C3orf52: variants seen among roughly 807,000 people sequenced by gnomAD.
The protein encoded by C3orf52 is TPA-induced transmembrane protein.
Under a neutral mutation model 24.8 loss-of-function variants are expected in C3orf52, and 22 were observed. That is an observed-to-expected ratio of 0.89 (90% CI 0.63 to 1.27). C3orf52 has a LOEUF of 1.27. Ranked by LOEUF, C3orf52 falls within the 50% of genes most tolerant of loss-of-function variation. The probability of loss-of-function intolerance (pLI) is 0.00; values close to 1 mark genes in which losing one functional copy is unlikely to be tolerated. For missense variants in C3orf52, 265 were observed against 260.7 expected (o/e 1.02, Z -0.11); for synonymous variants, 93 against 100.2 (o/e 0.93, Z 0.43).
chr3:112,128,295 A>G (rs1026831937), exon 5 of C3orf52: 16 of 667,894 alleles, frequency 2.4e-5, no homozygotes, highest in Non-Finnish European at 4.4e-5. Context: ...TTCCCAGCAA[A>G]GGAAAAATGT....
intron 5 of C3orf52, 45 bp downstream of exon 5, chr3:112,113,190 G>T (rs1046402069): frequency 6.7e-7 from 1 of 1,501,458 alleles, no homozygotes; most frequent in Non-Finnish European, 9.0e-7. Flanking sequence ...CAATAAACAG[G>T]TGAACCAGAT....
chr3:112,101,029 T>C (rs1424534663), intron 2 of C3orf52, among the ~76,000 whole-genome samples: 1 of 152,228 alleles, frequency 6.6e-6, no homozygotes, highest in Non-Finnish European at 1.5e-5. Flanking sequence ...TTTCCTGCAC[T>C]TTGCAAAATT....
In C3orf52 at chr3:112,086,459, C is replaced by T. The variant is rs1412425864; in HGVS notation, c.52C>T (p.Leu18Phe). ...AGTAGACGAGCTGGAGCTCTCGGTG[C>T]TCGAGCGGCAGCCAGAAGAGAACAC... ...QPVDELELSV[L>F]ERQPEENTPL... Residue 18 changes from leucine to phenylalanine, a missense_variant, in exon 1 of 6, where the codon CTC becomes TTC. Physicochemically the swap from Leu to Phe is conservative, Grantham distance 22. Coordinates refer to ENST00000264848, the MANE Select transcript of C3orf52 (RefSeq NM_024616.3). 1.4e-5 allele frequency: 22 copies of T among 1,551,452 alleles called. No individual in the cohort carries two copies. The highest frequency in any genetic ancestry group is 2.0e-5 in the Admixed American group (1 of 50,996).
intron 5 of C3orf52, among the ~76,000 whole-genome samples, chr3:112,114,692 G>A (rs1262816906): frequency 6.6e-6 from 1 of 151,986 alleles, no homozygotes; most frequent in Non-Finnish European, 1.5e-5. Context: ...TGACAAGAGT[G>A]AAACTCCATT....
At chr3:112,125,222 T>C in intron 4 of C3orf52, 3 of 1,559,422 alleles carry the variant, frequency 1.9e-6, no homozygotes, top group Non-Finnish European at 2.7e-6. Context: ...GATGTTCTTA[T>C]TACCTGGATG....
intron 2 of C3orf52, among the ~76,000 whole-genome samples, chr3:112,096,422 A>G (rs914165735): frequency 2.8e-4 from 42 of 152,322 alleles, no homozygotes; most frequent in African/African-American, 9.6e-4. Context: ...TTATAATTGC[A>G]TAAGGGCAAG....
At chr3:112,091,848 C>CA (rs2073879997) in intron 1 of C3orf52, among the ~76,000 whole-genome samples, 1 of 151,924 alleles carries the variant, frequency 6.6e-6, no homozygotes, top group Admixed American at 6.5e-5. Flanking sequence ...ACTAAATATA[C>CA]AAAAAATTAG....
chr3:112,099,161 G>T (rs1359373114), intron 2 of C3orf52, among the ~76,000 whole-genome samples: 2 of 151,988 alleles, frequency 1.3e-5, no homozygotes, highest in African/African-American at 4.8e-5. Flanking sequence ...GTTTCCTGAG[G>T]GCTCCCATCC....
chr3:112,128,024 G>A (rs768326959), intron 4 of C3orf52: 16 of 1,613,454 alleles, frequency 9.9e-6, no homozygotes, highest in Non-Finnish European at 1.4e-5. Flanking sequence ...CACCATGGAA[G>A]GCAGAAACAC....
chr3:112,119,570 TTC>T (rs1559978244), downstream of C3orf52: 14 of 702,008 alleles, frequency 2.0e-5, no homozygotes, highest in African/African-American at 1.0e-4. Flanking sequence ...GAGGTACATA[TTC>T]TCTCTTTTGT....
chr3:112,123,379 C>T lies in C3orf52; in HGVS notation c.*46+3817C>T, dbSNP rs1336915587. 4 of 1,558,384 alleles carry T rather than the reference C, an allele frequency of 2.6e-6. No homozygotes were observed. The Admixed American group carries it at 7.3e-5, about 28-fold the overall frequency. On this transcript the variant is annotated intron_variant, in intron 4 of 4. Coordinates refer to the C3orf52 transcript ENST00000480282. ...GATAAGCTGGAGGGACTTTGTGTCC[C>T]ATCCCTGCTTCAGGCAGATCCCCCA...
intron 2 of C3orf52, among the ~76,000 whole-genome samples, chr3:112,097,067 G>T (rs373885174): frequency 1.3e-5 from 2 of 152,272 alleles, no homozygotes; most frequent in Admixed American, 6.5e-5. Flanking sequence ...TAGGGAAAAG[G>T]TATTAATGGA....
downstream of C3orf52, chr3:112,129,954 A>G (rs112960736): frequency 1.3e-5 from 2 of 154,494 alleles, no homozygotes; most frequent in African/African-American, 4.8e-5. Context: ...AGGGCTGGAC[A>G]TTTGAAAGGT....
At chr3:112,116,236 C>G (rs925308051) in intron 5 of C3orf52, among the ~76,000 whole-genome samples, 6 of 152,138 alleles carry the variant, frequency 3.9e-5, no homozygotes, top group Admixed American at 1.3e-4. Context: ...TGCATCTGCA[C>G]CTGCTGTGCC....
Position 112,112,953 on chromosome 3 carries a change from T to C in C3orf52, c.468-11T>C. The C allele has an allele frequency of 1.9e-6, 3 of 1,601,350 alleles. No homozygotes were observed. The highest frequency in any genetic ancestry group is 2.2e-5 in the East Asian group (1 of 44,724). On this transcript the variant is annotated splice_polypyrimidine_tract_variant and intron_variant, in intron 4 of 5. Transcript: ENST00000264848. ...GCTGTTTATGTTTTAATGTCTTCCA[T>C]TGCCTTTCAGTGGTGAAAATGCCAC...
downstream of C3orf52, among the ~76,000 whole-genome samples, chr3:112,120,046 T>G (rs2074173000): frequency 6.6e-6 from 1 of 152,118 alleles, no homozygotes; most frequent in South Asian, 2.1e-4. Flanking sequence ...CAGGGGTGAA[T>G]GGAGAGGGAG....
At chr3:112,135,800 G>T (rs2074545571), downstream of C3orf52, among the ~76,000 whole-genome samples, 1 of 151,920 alleles carries the variant, frequency 6.6e-6, no homozygotes. Context: ...GAAAATTCAT[G>T]TAAAGGAAGG....
chr3:112,103,069 A>G lies in C3orf52; in HGVS notation c.396+104A>G, dbSNP rs986748869. On this transcript the variant is annotated intron_variant, in intron 3 of 5. Coordinates refer to ENST00000264848, the MANE Select transcript of C3orf52 (RefSeq NM_024616.3). ...ATAGAGTAAGTAGCTTCAATTTTGG[A>G]TTCTTTGTCTGGATTTTAGCAGAAA... 6.7e-6 allele frequency: 7 copies of G among 1,044,662 alleles called. No individual in the cohort carries two copies. In the African/African-American group the frequency reaches 1.1e-4, roughly 17 times the overall value. The allele number at this position is 1,044,662 out of a possible 1,614,324, so 64.7% of individuals were successfully genotyped here.
In C3orf52 at chr3:112,116,700, T is replaced by C. The variant is rs1307738616; in HGVS notation, c.*54T>C. 1 of 1,581,728 alleles carries C rather than the reference T, an allele frequency of 6.3e-7. No homozygotes were observed. The highest frequency in any genetic ancestry group is 1.3e-5 in the African/African-American group (1 of 74,544). ...GCAGTGCTCTACCAAGTCCTGGAGA[T>C]GAAGGGAATTCACTCTGTTTTGCAG... On this transcript the variant is annotated 3_prime_UTR_variant, in exon 6 of 6. Transcript: ENST00000264848.
Sources: gnomAD v4.1 joint callset for allele counts (sites outside exome capture counted in the v4.1 genomes callset) on GRCh38, gnomAD v4.1.1 for gene constraint, MANE v1.5 for transcripts, NCBI Gene and HGNC (gene_info 2026-07-23, HGNC 2026-07-21) for gene names.